SLC44A2: variants seen among roughly 807,000 people sequenced by gnomAD.
SLC44A2 encodes the protein choline transporter-like protein 2.
Under a neutral mutation model 90.8 loss-of-function variants are expected in SLC44A2, and 57 were observed. The ratio of observed to expected loss-of-function variants is 0.63; its 90% confidence interval spans 0.51 to 0.78. The LOEUF is 0.78. SLC44A2 is among the 30% of genes least tolerant of loss of function. SLC44A2 has a pLI of 0.00. For missense variants in SLC44A2, 794 were observed against 919.7 expected (o/e 0.86, Z 1.77); for synonymous variants, 355 against 360.7 (o/e 0.98, Z 0.18).
At chr19:10,615,173 G>A in intron 1 of SLC44A2, among the ~76,000 whole-genome samples, 1 of 151,770 alleles carries the variant, frequency 6.6e-6, no homozygotes, top group East Asian at 1.9e-4. Context: ...GCTCACACCT[G>A]TAATCATAGC....
upstream of SLC44A2, among the ~76,000 whole-genome samples, chr19:10,623,276 C>T (rs979765307): frequency 2.6e-5 from 4 of 151,988 alleles, no homozygotes; most frequent in Admixed American, 2.0e-4. Context: ...TAGACAGGGC[C>T]CCTCTGCTGG....
intron 1 of SLC44A2, among the ~76,000 whole-genome samples, chr19:10,615,235 A>G (rs1348644586): frequency 6.6e-6 from 1 of 151,556 alleles, no homozygotes. Context: ...CTTCAAGACA[A>G]GCCTGGCCAA....
chr19:10,623,132 C>T (rs2066904518), upstream of SLC44A2, among the ~76,000 whole-genome samples: 1 of 151,886 alleles, frequency 6.6e-6, no homozygotes, highest in African/African-American at 2.4e-5. Flanking sequence ...TTGTCCACTG[C>T]TTGGAATGGG....
intron 1 of SLC44A2, among the ~76,000 whole-genome samples, chr19:10,605,986 T>C (rs1344488015): frequency 6.7e-6 from 1 of 148,634 alleles, no homozygotes; most frequent in African/African-American, 2.5e-5. Flanking sequence ...GGAGCGAGAC[T>C]CCATCTCAAA....
At chr19:10,636,876 T>C (rs1004719078) in intron 16 of SLC44A2, 120 bp downstream of exon 16, 3 of 1,050,736 alleles carry the variant, frequency 2.9e-6, no homozygotes, top group African/African-American at 3.2e-5. Flanking sequence ...GATGGGTTTC[T>C]GTCTATGACG....
intron 4 of SLC44A2, among the ~76,000 whole-genome samples, chr19:10,630,798 G>A (rs527551843): frequency 6.6e-6 from 1 of 152,066 alleles, no homozygotes; most frequent in East Asian, 1.9e-4. Flanking sequence ...GAGGTCAGGA[G>A]TTTGAGACCA....
intron 1 of SLC44A2, among the ~76,000 whole-genome samples, chr19:10,610,392 C>T (rs1483648347): frequency 1.4e-5 from 2 of 144,200 alleles, no homozygotes; most frequent in South Asian, 2.2e-4. Context: ...AGTGCAGTGA[C>T]GTGATCTCGG....
intron 4 of SLC44A2, among the ~76,000 whole-genome samples, chr19:10,629,776 CA>C (rs2066974304): frequency 6.7e-6 from 1 of 149,856 alleles, no homozygotes; most frequent in Non-Finnish European, 1.5e-5. Flanking sequence ...TTTTTTGAGA[CA>C]GAGTCTCGCT....
chr19:10,602,944 T>C (rs924950163), intron 1 of SLC44A2, among the ~76,000 whole-genome samples: 1 of 152,186 alleles, frequency 6.6e-6, no homozygotes, highest in African/African-American at 2.4e-5. Flanking sequence ...TGTCCATTTC[T>C]TCCTCCTTCC....
Position 10,632,132 on chromosome 19 carries a change from A to G in SLC44A2, c.799A>G (p.Met267Val). The change falls in exon 10 of 22, where the codon ATG becomes GTG. Residue 267 changes from methionine to valine, a missense_variant. By Grantham distance (21) the Met-to-Val change is conservative. This residue lies in a region of SLC44A2 where 738 missense variants were observed against 841.1 expected (regional missense o/e 0.88). Transcript: ENST00000335757. The stretch of plus-strand genomic sequence containing the variant: ...TATTATGGTCTGGGTGATGATCATC[A>G]TGGTGATTCTGGTGCTGGGCTACGG... Reference protein sequence around the residue: ...AGIMVWVMIIMVILVLGYGIF... With the variant: ...AGIMVWVMIIVVILVLGYGIF... 4 of 1,613,972 alleles carry G rather than the reference A, an allele frequency of 2.5e-6. No homozygotes were observed. Among genetic ancestry groups the G allele is most frequent in the Non-Finnish European group, 3.4e-6 (4 of 1,179,968 alleles).
At chr19:10,642,817 C>A (rs1280084002) in intron 21 of SLC44A2, 14 of 1,471,988 alleles carry the variant, frequency 9.5e-6, no homozygotes, top group Non-Finnish European at 1.2e-5. Context: ...TGCTGGCTTC[C>A]CTGTTCTTCC....
intron 1 of SLC44A2, among the ~76,000 whole-genome samples, chr19:10,618,459 G>A (rs918681238): frequency 7.0e-6 from 1 of 142,934 alleles, no homozygotes; most frequent in African/African-American, 2.6e-5. Context: ...ACAGGTGTAA[G>A]CCACTGCGCC....
intron 4 of SLC44A2, 65 bp downstream of exon 4, chr19:10,628,069 C>T (rs2066953731): frequency 8.5e-6 from 12 of 1,409,596 alleles, no homozygotes; most frequent in Non-Finnish European, 1.2e-5. Flanking sequence ...TAGGCATTCC[C>T]CATCTCTCTA....
intron 1 of SLC44A2, among the ~76,000 whole-genome samples, chr19:10,603,037 G>A (rs967413481): frequency 8.5e-5 from 13 of 152,200 alleles, no homozygotes; most frequent in Non-Finnish European, 1.5e-4. Context: ...ATACCCAGCT[G>A]AGAGCCCACC....
chr19:10,629,081 G>A (rs943808415), intron 4 of SLC44A2, among the ~76,000 whole-genome samples: 17 of 151,246 alleles, frequency 1.1e-4, no homozygotes, highest in African/African-American at 3.6e-4. Flanking sequence ...GCATGTTCCT[G>A]TAATCCCGGT....
At chr19:10,617,279 G>C (rs577429662) in intron 1 of SLC44A2, among the ~76,000 whole-genome samples, 1 of 152,070 alleles carries the variant, frequency 6.6e-6, no homozygotes, top group Admixed American at 6.6e-5. Context: ...CCCATCCTGC[G>C]GGGTTTAGAT....
chr19:10,625,397 T>A (rs966261715), upstream of SLC44A2: 26 of 1,123,804 alleles, frequency 2.3e-5, no homozygotes, highest in African/African-American at 3.9e-4. Context: ...GAAGGCTAAA[T>A]GCGGCCGGCC....
intron 1 of SLC44A2, among the ~76,000 whole-genome samples, chr19:10,603,088 C>A (rs1307489495): frequency 6.6e-6 from 1 of 152,090 alleles, no homozygotes; most frequent in Non-Finnish European, 1.5e-5. Context: ...AAGAAGGGCG[C>A]CTTTGGTGAG....
chr19:10,633,236 C>G (rs2067016515), intron 10 of SLC44A2, among the ~76,000 whole-genome samples: 1 of 152,020 alleles, frequency 6.6e-6, no homozygotes, highest in Admixed American at 6.6e-5. Context: ...GCAGTCTCGG[C>G]TCACTGCAAT....
Sources: gnomAD v4.1 joint callset for allele counts (sites outside exome capture counted in the v4.1 genomes callset) on GRCh38, gnomAD v4.1.1 for gene constraint, gnomAD v4.1.1 regional missense constraint, MANE v1.5 for transcripts, NCBI Gene and HGNC (gene_info 2026-07-23, HGNC 2026-07-21) for gene names.